TSHZ2: variants seen among roughly 807,000 people sequenced by gnomAD.
TSHZ2 encodes the protein teashirt zinc finger homeobox 2.
In TSHZ2, 21 loss-of-function variants were observed where a neutral mutation model predicts 74.4. The observed-to-expected ratio is 0.28, with a 90% CI of 0.20 to 0.41. The LOEUF is 0.41. Ranked by LOEUF, TSHZ2 falls within the 10% of genes least tolerant of loss-of-function variation. TSHZ2 has a pLI of 1.00. For synonymous variants in TSHZ2, 540 were observed against 515.3 expected (o/e 1.05, Z -0.65); for missense variants, 1,244 against 1,293.5 (o/e 0.96, Z 0.59).
chr20:53,311,316 G>A (rs1978774652), intron 2 of TSHZ2, among the ~76,000 whole-genome samples: 1 of 152,196 alleles, frequency 6.6e-6, no homozygotes, highest in Non-Finnish European at 1.5e-5. Context: ...CAGCCAGACT[G>A]AAGGCATGTC....
intron 2 of TSHZ2, among the ~76,000 whole-genome samples, chr20:53,348,392 T>C (rs1476001437): frequency 6.6e-6 from 1 of 152,154 alleles, no homozygotes; most frequent in Non-Finnish European, 1.5e-5. Context: ...CTGCCTGGCA[T>C]GTAGTAGGTG....
intron 2 of TSHZ2, among the ~76,000 whole-genome samples, chr20:53,316,212 G>C (rs1017610415): frequency 6.6e-6 from 1 of 152,174 alleles, no homozygotes; most frequent in African/African-American, 2.4e-5. Context: ...TCACAAAGAG[G>C]CACAAACGGA....
chr20:52,978,581 T>C (rs979598819), intron 1 of TSHZ2, among the ~76,000 whole-genome samples: 2 of 152,228 alleles, frequency 1.3e-5, no homozygotes, highest in Non-Finnish European at 2.9e-5. Flanking sequence ...CATTTTCGTT[T>C]GATGCAAAGT....
intron 2 of TSHZ2, among the ~76,000 whole-genome samples, chr20:53,330,132 C>T (rs1370939963): frequency 1.3e-5 from 2 of 152,182 alleles, no homozygotes; most frequent in African/African-American, 4.8e-5. Flanking sequence ...TTTGCCAGCT[C>T]CTGATCTAGA....
chr20:53,077,914 C>A (rs147212645), intron 1 of TSHZ2, among the ~76,000 whole-genome samples: 2 of 152,218 alleles, frequency 1.3e-5, no homozygotes, highest in African/African-American at 4.8e-5. Flanking sequence ...ACACTCTAAT[C>A]TCCTCTGAGT....
chr20:53,128,216 C>T (rs1197713609), intron 1 of TSHZ2, among the ~76,000 whole-genome samples: 1 of 152,160 alleles, frequency 6.6e-6, no homozygotes, highest in African/African-American at 2.4e-5. Flanking sequence ...CAAATTCTTC[C>T]ACTGAAGAGG....
At chr20:53,335,999 T>C (rs937114831) in intron 2 of TSHZ2, among the ~76,000 whole-genome samples, 1 of 152,184 alleles carries the variant, frequency 6.6e-6, no homozygotes, top group African/African-American at 2.4e-5. Context: ...TTTTCATCAG[T>C]TTTTTAAAAA....
chr20:53,249,179 T>C (rs911221763), intron 1 of TSHZ2, among the ~76,000 whole-genome samples: 9 of 152,208 alleles, frequency 5.9e-5, no homozygotes, highest in Non-Finnish European at 1.0e-4. Flanking sequence ...TTGATTAGCA[T>C]GATTGTAATT....
chr20:52,983,774 A>G (rs1600629316), intron 1 of TSHZ2, among the ~76,000 whole-genome samples: 2 of 152,336 alleles, frequency 1.3e-5, no homozygotes, highest in South Asian at 4.1e-4. Flanking sequence ...TCTTCTAGAC[A>G]GTGCTTGCTG....
At chr20:53,131,593 T>C (rs1341002304) in intron 1 of TSHZ2, among the ~76,000 whole-genome samples, 1 of 152,218 alleles carries the variant, frequency 6.6e-6, no homozygotes, top group African/African-American at 2.4e-5. Flanking sequence ...GTGTTGGTGC[T>C]TTCCCACCCT....
chr20:53,285,001 T>C (rs1433740274), intron 2 of TSHZ2, among the ~76,000 whole-genome samples: 2 of 152,136 alleles, frequency 1.3e-5, no homozygotes, highest in East Asian at 1.9e-4. Context: ...GCAATTCGGA[T>C]CCAGCTCCAC....
intron 2 of TSHZ2, among the ~76,000 whole-genome samples, chr20:53,316,128 A>G (rs551645556): frequency 9.9e-4 from 151 of 152,376 alleles, no homozygotes; most frequent in African/African-American, 3.5e-3. Flanking sequence ...AAACTAAGGC[A>G]TAGTACTCAA....
chr20:53,256,558 G>A lies in TSHZ2; in HGVS notation c.3100G>A (p.Glu1034Lys). The A allele has an allele frequency of 6.3e-7, 1 of 1,580,828 alleles. No individual in the cohort carries two copies. Among genetic ancestry groups the A allele is most frequent in the Non-Finnish European group, 8.6e-7 (1 of 1,159,654 alleles). Reference sequence around the variant, plus strand: ...ACAGTTTGTAACAGACGTGGATGAAGAATAGCTCTGCAGGTATGGGTTTGC... The same window carrying A: ...ACAGTTTGTAACAGACGTGGATGAAAAATAGCTCTGCAGGTATGGGTTTGC... ...HSQFVTDVDE[E>K] is the part of the protein sequence containing the mutation. Residue 1034 changes from glutamate to lysine, a missense_variant, in exon 2 of 3, where the codon GAA (glutamate) becomes AAA (lysine). By Grantham distance (56) the Glu-to-Lys change is moderately conservative. This residue lies in a region of TSHZ2 where 185 missense variants were observed against 213.3 expected (regional missense o/e 0.87). Transcript: ENST00000371497. This position sits in a 1 kb window ranked among gnomAD's most constrained non-coding sequence, Gnocchi z 4.3.
Position 53,481,872 on chromosome 20 carries a change from G to A in TSHZ2, c.*9-5272G>A, listed in dbSNP as rs144117136. 4.9e-3 allele frequency among the ~76,000 whole-genome samples: 748 copies of A among 152,256 alleles called. 7 individuals carry two copies. Among genetic ancestry groups the A allele is most frequent in the African/African-American group, 0.017 (706 of 41,582 alleles). ...TACTCCCAGCACTTCAGGAGGCCGA[G>A]GTGGGTGGATCTCCTGAGGTCGGGA... On this transcript the variant is annotated intron_variant, in intron 2 of 2. Transcript: ENST00000371497.
At chr20:53,373,692 C>G (rs1319582836) in intron 2 of TSHZ2, among the ~76,000 whole-genome samples, 3 of 152,142 alleles carry the variant, frequency 2.0e-5, no homozygotes, top group African/African-American at 7.2e-5. Flanking sequence ...GCTGTGAAAT[C>G]TTACAAAAAG....
chr20:53,462,208 T>C (rs1280701157), intron 2 of TSHZ2, among the ~76,000 whole-genome samples: 1 of 152,162 alleles, frequency 6.6e-6, no homozygotes, highest in East Asian at 1.9e-4. Flanking sequence ...GAGCCAAGAC[T>C]GTGCCATTGT....
chr20:53,473,079 G>A (rs1244093587), intron 2 of TSHZ2, among the ~76,000 whole-genome samples: 16 of 149,324 alleles, frequency 1.1e-4, no homozygotes, highest in Admixed American at 4.7e-4. Context: ...GAGGCTGGGG[G>A]AGGGGCGCCC....
chr20:53,210,529 T>C (rs1207928945), intron 1 of TSHZ2, among the ~76,000 whole-genome samples: 1 of 151,956 alleles, frequency 6.6e-6, no homozygotes, highest in African/African-American at 2.4e-5. Flanking sequence ...CAGACGTTCC[T>C]TCTCTCTTTC....
Position 53,391,301 on chromosome 20 carries a change from C to G in TSHZ2, c.*9-95843C>G, listed in dbSNP as rs532003392. 3.3e-5 allele frequency among the ~76,000 whole-genome samples: 5 copies of G among 152,212 alleles called. No homozygotes were observed. The South Asian group carries it at 1.0e-3, about 32-fold the overall frequency. On this transcript the variant is annotated intron_variant, in intron 2 of 2. Coordinates refer to ENST00000371497, the MANE Select transcript of TSHZ2 (RefSeq NM_173485.6). ...AGCTGGGACTACAGGCACCCGCCACCACATCCAGCTAATTTTTGTATTTTT... is the reference window on the plus strand; with the variant it reads ...AGCTGGGACTACAGGCACCCGCCACGACATCCAGCTAATTTTTGTATTTTT...
Sources: gnomAD v4.1 joint callset for allele counts (sites outside exome capture counted in the v4.1 genomes callset) on GRCh38, gnomAD v4.1.1 for gene constraint, gnomAD v4.1.1 regional missense constraint, Gnocchi (gnomAD v3.1) non-coding constraint, MANE v1.5 for transcripts, NCBI Gene and HGNC (gene_info 2026-07-23, HGNC 2026-07-21) for gene names.